Variants in MGAT5B observed in about 807,000 individuals in gnomAD.
MGAT5B encodes the protein N-acetylglucosaminyl-transferase Vb.
A neutral mutation model predicts 95.1 loss-of-function variants in MGAT5B; 54 were observed. The observed-to-expected ratio is 0.57, with a 90% CI of 0.46 to 0.71. The LOEUF (loss-of-function observed/expected upper bound fraction) is 0.71. Among genes scored for constraint, MGAT5B ranks in the 30% least tolerant of loss-of-function variants. The pLI, the probability that MGAT5B is intolerant of heterozygous loss-of-function variation, is 0.00. For missense variants in MGAT5B, 935 were observed against 1,088.6 expected (o/e 0.86, Z 1.99); for synonymous variants, 464 against 451.0 (o/e 1.03, Z -0.36).
Position 76,930,430 on chromosome 17 carries a change from C to G in MGAT5B, c.1292-2215C>G, listed in dbSNP as rs1003485355. ...AGAAATAGGGTATTTAGAATCAAGG[C>G]TGTTGTGGGAAATCAAGGCTGGGCA... is the stretch of plus-strand genomic sequence containing the variant. On this transcript the variant is annotated intron_variant, in intron 10 of 17. Transcript: ENST00000569840. This position sits in a 1 kb window ranked among gnomAD's most constrained non-coding sequence, Gnocchi z 4.1. 6.6e-6 allele frequency among the ~76,000 whole-genome samples: 1 copy of G among 152,130 alleles called. No individual in the cohort carries two copies. The highest frequency in any genetic ancestry group is 1.5e-5 in the Non-Finnish European group (1 of 68,016).
intron 1 of MGAT5B, among the ~76,000 whole-genome samples, chr17:76,871,045 C>G (rs1481462254): frequency 6.6e-6 from 1 of 152,120 alleles, no homozygotes; most frequent in Non-Finnish European, 1.5e-5. Flanking sequence ...AGACACCTTT[C>G]TCATAGCAGG....
In MGAT5B at chr17:76,903,366, G is replaced by A. The variant is rs769161005; in HGVS notation, c.509G>A (p.Gly170Glu). ...GACCCCAAGTTCCCTGACTGCTCAG[G>A]GAAGGTGGAGGTGAGGCCTGGGGCT... ...PSDPKFPDCS[G>E]KVEWMRARWT... Residue 170 changes from glycine (G) to glutamate (E), a missense_variant, in exon 5 of 18, where the codon GGG becomes GAG. Gly to Glu is a moderately conservative substitution (Grantham distance 98). This residue lies in a region of MGAT5B where 243 missense variants were observed against 305.5 expected (regional missense o/e 0.80). Transcript: ENST00000569840. The A allele has an allele frequency of 3.7e-6, 6 of 1,611,078 alleles. No homozygotes were observed. The South Asian group carries it at 6.6e-5, about 18-fold the overall frequency.
chr17:76,879,881 GC>G (rs1478414557), intron 2 of MGAT5B, among the ~76,000 whole-genome samples: 4 of 152,176 alleles, frequency 2.6e-5, no homozygotes, highest in Non-Finnish European at 5.9e-5. Context: ...GACTACTCCA[GC>G]CCAAGTTATG....
intron 2 of MGAT5B, among the ~76,000 whole-genome samples, chr17:76,873,939 T>C (rs1276459667): frequency 1.3e-5 from 2 of 152,146 alleles, no homozygotes; most frequent in Non-Finnish European, 2.9e-5. Flanking sequence ...GTGATGAATA[T>C]TGTAGACATC....
Position 76,869,151 on chromosome 17 carries a change from G to GGCGAGGTCGGTTCCT in MGAT5B, c.68+59_68+73dup. On this transcript the variant is annotated intron_variant, in intron 1 of 17. Coordinates refer to ENST00000569840, the MANE Select transcript of MGAT5B (RefSeq NM_001199172.2). The surrounding 1 kb of genome is among the most constrained non-coding windows in gnomAD (Gnocchi z 7.0). ...CCCAGGGGGGCGCCGGGTGGAGGTG[G>GGCGAGGTCGGTTCCT]GCGAGGTCGGTTCCTGCGAACGTTC... 2.6e-6 allele frequency: 4 copies of GGCGAGGTCGGTTCCT among 1,514,948 alleles called. No homozygotes were observed. Among genetic ancestry groups the GGCGAGGTCGGTTCCT allele is most frequent in the Non-Finnish European group, 3.7e-6 (4 of 1,089,990 alleles). 93.8% of individuals were successfully genotyped at this position (1,514,948 alleles called of 1,614,324 possible).
rs142068303 is a variant in MGAT5B, at chr17:76,911,577, T to C, written c.1025+5390T>C. ...ATGCACTTTGTGCCACACACTTTCT[T>C]GGATGTACTTTCTTCCTTCTTCCTT... On this transcript the variant is annotated intron_variant, in intron 8 of 17. Transcript: ENST00000569840. Among the ~76,000 whole-genome samples the C allele has an allele frequency of 1.7e-3, 260 of 152,306 alleles. 1 individual carries two copies. Among genetic ancestry groups the C allele is most frequent in the African/African-American group, 6.0e-3 (250 of 41,568 alleles).
chr17:76,925,802 G>A (rs140884728), intron 9 of MGAT5B, among the ~76,000 whole-genome samples: 2 of 152,344 alleles, frequency 1.3e-5, no homozygotes, highest in East Asian at 3.9e-4. Flanking sequence ...GGACGCTGGG[G>A]TGAGGAGCTC....
At position 76,947,878 on chromosome 17, in the gene MGAT5B, C is replaced by A. The variant is rs1159346128; in HGVS notation, c.1972C>A (p.Gln658Lys). Residue 658 changes from glutamine (Q) to lysine (K), a missense_variant, in exon 17 of 18, where the codon CAG becomes AAG. Around this residue, in one of 4 missense-constraint regions of MGAT5B, gnomAD observed 440 missense variants for 523.6 expected, o/e 0.84. Coordinates refer to ENST00000569840, the MANE Select transcript of MGAT5B (RefSeq NM_001199172.2). ...DPALPEAHAP[Q>K]SPFVLAPNAT... ...TGCCCTACCAGAGGCCCACGCCCCG[C>A]AGAGCCCCTTTGTCCTGGCCCCCAA... 2.5e-6 allele frequency: 4 copies of A among 1,605,476 alleles called. No homozygotes were observed. The highest frequency in any genetic ancestry group is 2.2e-5 in the South Asian group (2 of 90,690).
intron 8 of MGAT5B, among the ~76,000 whole-genome samples, chr17:76,909,457 C>T (rs1968653100): frequency 6.6e-6 from 1 of 152,168 alleles, no homozygotes; most frequent in African/African-American, 2.4e-5. Context: ...AGGTGGTTTC[C>T]TTGTGAGTCC....
chr17:76,886,382 G>A (rs538644438), intron 3 of MGAT5B, among the ~76,000 whole-genome samples: 10 of 152,350 alleles, frequency 6.6e-5, no homozygotes, highest in African/African-American at 1.9e-4. Context: ...GGTTCTTCAC[G>A]TGTGTGTTAG....
At chr17:76,892,594 C>T (rs934026177) in intron 3 of MGAT5B, among the ~76,000 whole-genome samples, 10 of 152,230 alleles carry the variant, frequency 6.6e-5, no homozygotes, top group Admixed American at 6.5e-5. Context: ...AGCCATGATC[C>T]TCACAGTGAC....
At chr17:76,892,651 C>A (rs139584269) in intron 3 of MGAT5B, among the ~76,000 whole-genome samples, 1 of 152,356 alleles carries the variant, frequency 6.6e-6, no homozygotes, top group African/African-American at 2.4e-5. Context: ...CCAAGGGGAG[C>A]GGCGCACGGG....
At position 76,889,814 on chromosome 17, in the gene MGAT5B, G is replaced by A. The variant is rs1285049267; in HGVS notation, c.329+7516G>A. Among the ~76,000 whole-genome samples the A allele has an allele frequency of 6.6e-6, 1 of 152,166 alleles. No homozygotes were observed. The highest frequency in any genetic ancestry group is 1.5e-5 in the Non-Finnish European group (1 of 68,028). The stretch of plus-strand genomic sequence containing the variant: ...GTGCCGAGAGCCGGACCAACCACAT[G>A]ACAGCCACGTTTATTGGGGATGGGG... On this transcript the variant is annotated intron_variant, in intron 3 of 17. Coordinates refer to ENST00000569840, the MANE Select transcript of MGAT5B (RefSeq NM_001199172.2). The surrounding 1 kb of genome is among the most constrained non-coding windows in gnomAD (Gnocchi z 4.4).
chr17:76,907,468 G>T (rs141235432), intron 8 of MGAT5B, among the ~76,000 whole-genome samples: 12 of 151,824 alleles, frequency 7.9e-5, no homozygotes, highest in Non-Finnish European at 1.8e-4. Context: ...ACTCTATGTG[G>T]TCTCCTAACT....
intron 3 of MGAT5B, among the ~76,000 whole-genome samples, chr17:76,892,665 G>A (rs939977483): frequency 2.6e-5 from 4 of 152,266 alleles, no homozygotes; most frequent in African/African-American, 9.6e-5. Context: ...GCACGGGCGG[G>A]GCAGAGCCCT....
chr17:76,886,364 G>A (rs73371847), intron 3 of MGAT5B, among the ~76,000 whole-genome samples: 1 of 152,140 alleles, frequency 6.6e-6, no homozygotes, highest in African/African-American at 2.4e-5. Context: ...TGGGCTCTGC[G>A]AGCCTCAGGT....
intron 8 of MGAT5B, among the ~76,000 whole-genome samples, chr17:76,907,906 A>G (rs1968589590): frequency 6.6e-6 from 1 of 152,228 alleles, no homozygotes; most frequent in African/African-American, 2.4e-5. Context: ...ATGTCTTATT[A>G]TGGCTGCAAC....
rs979164908 is a variant in MGAT5B, at chr17:76,940,017, G to C, written c.1585-385G>C. 6.6e-6 allele frequency among the ~76,000 whole-genome samples: 1 copy of C among 152,142 alleles called. No individual in the cohort carries two copies. Among genetic ancestry groups the C allele is most frequent in the Non-Finnish European group, 1.5e-5 (1 of 68,024 alleles). ...AAATGTTTTTGGGATGAGTGAGTGA[G>C]GTTCCTGGAGGTCTCTTGCAGGTGC... On this transcript the variant is annotated intron_variant, in intron 13 of 17. Coordinates refer to ENST00000569840, the MANE Select transcript of MGAT5B (RefSeq NM_001199172.2). This position sits in a 1 kb window ranked among gnomAD's most constrained non-coding sequence, Gnocchi z 4.3.
Position 76,938,141 on chromosome 17 carries a change from A to G in MGAT5B, c.1582A>G (p.Lys528Glu). The G allele has an allele frequency of 1.2e-6, 2 of 1,613,910 alleles. No individual in the cohort carries two copies. The highest frequency in any genetic ancestry group is 1.7e-6 in the Non-Finnish European group (2 of 1,179,922). Reference protein sequence around the residue: ...PEFQQLLRKAKLFIGFGFPYE... With the variant: ...PEFQQLLRKAELFIGFGFPYE... ...GTTTCAGCAGCTGCTGCGCAAGGCC[A>G]AAGTGAGCTCCCATCCCCCGCACCA... Residue 528 changes from lysine (K) to glutamate (E), a missense_variant and splice_region_variant, in exon 13 of 18, where the codon AAA (lysine) becomes GAA (glutamate). Physicochemically the swap from Lys to Glu is moderately conservative, Grantham distance 56. Around this residue, in one of 4 missense-constraint regions of MGAT5B, gnomAD observed 440 missense variants for 523.6 expected, o/e 0.84. Coordinates refer to ENST00000569840, the MANE Select transcript of MGAT5B (RefSeq NM_001199172.2). This position sits in a 1 kb window ranked among gnomAD's most constrained non-coding sequence, Gnocchi z 4.3.
Sources: gnomAD v4.1 joint callset for allele counts (sites outside exome capture counted in the v4.1 genomes callset) on GRCh38, gnomAD v4.1.1 for gene constraint, gnomAD v4.1.1 regional missense constraint, Gnocchi (gnomAD v3.1) non-coding constraint, MANE v1.5 for transcripts, NCBI Gene and HGNC (gene_info 2026-07-23, HGNC 2026-07-21) for gene names.